Variants in ANXA11 observed in about 807,000 individuals in gnomAD.
The protein encoded by ANXA11 is 56 kDa autoantigen.
In ANXA11, 57 loss-of-function variants were observed where a neutral mutation model predicts 64.7. The observed-to-expected ratio is 0.88, with a 90% CI of 0.71 to 1.10. ANXA11 has a LOEUF of 1.10. ANXA11 is among the 50% of genes least tolerant of loss of function. ANXA11 has a pLI of 0.00. For missense variants in ANXA11, 675 were observed against 670.7 expected, an observed-to-expected ratio of 1.01 and a Z score of -0.07; for synonymous variants, 260 against 265.2, an observed-to-expected ratio of 0.98 and a Z score of 0.19.
At chr10:80,194,999 C>CCTTATG (rs1459478510) in intron 1 of ANXA11, among the ~76,000 whole-genome samples, 2 of 152,160 alleles carry the variant, frequency 1.3e-5, no homozygotes, top group East Asian at 3.9e-4. Flanking sequence ...CATCTCATCT[C>CCTTATG]CTTATGAATG....
intron 1 of ANXA11, among the ~76,000 whole-genome samples, chr10:80,176,710 C>A (rs544869425): frequency 1.1e-3 from 171 of 152,238 alleles, no homozygotes; most frequent in Admixed American, 2.4e-3. Flanking sequence ...CCTGGAGGGC[C>A]TGCAGGCCAG....
At chr10:80,185,321 C>T (rs200903527) in intron 1 of ANXA11, among the ~76,000 whole-genome samples, 3 of 152,286 alleles carry the variant, frequency 2.0e-5, no homozygotes, top group Admixed American at 6.5e-5. Flanking sequence ...CAGTGCTGCC[C>T]GGAATGTGTT....
At chr10:80,159,657 C>T (rs1264419837) in intron 12 of ANXA11, among the ~76,000 whole-genome samples, 4 of 152,238 alleles carry the variant, frequency 2.6e-5, no homozygotes, top group Non-Finnish European at 4.4e-5. Flanking sequence ...CTCCCACACC[C>T]TGCACGTCCC....
chr10:80,163,723 G>A, intron 9 of ANXA11, 110 bp from the exon 10 acceptor site: 2 of 1,042,468 alleles, frequency 1.9e-6, no homozygotes, highest in Non-Finnish European at 2.9e-6. Context: ...GGAGGTCTTG[G>A]CTCGGGCTCA....
intron 1 of ANXA11, 143 bp downstream of exon 1, chr10:80,205,200 A>G (rs963783893): frequency 9.1e-6 from 1 of 110,200 alleles, no homozygotes; most frequent in Admixed American, 8.3e-5. Context: ...CCTGCCCCCC[A>G]CCCCCACGCC....
At chr10:80,164,924 C>T (rs117301387) in intron 8 of ANXA11, among the ~76,000 whole-genome samples, 3 of 152,336 alleles carry the variant, frequency 2.0e-5, no homozygotes, top group East Asian at 1.9e-4. Flanking sequence ...GGTTACTACA[C>T]GTTAGCCCCT....
intron 15 of ANXA11, chr10:80,156,626 G>C: frequency 2.9e-6 from 1 of 350,138 alleles, no homozygotes; most frequent in Non-Finnish European, 5.7e-6. Flanking sequence ...CAATTCTCCT[G>C]CCGCAGCCTA....
rs993260143 is a variant in ANXA11, at chr10:80,176,088, A to G, written c.-9+19T>C. 2 of 152,230 alleles carry G rather than the reference A, an allele frequency of 1.3e-5. No homozygotes were observed. Among genetic ancestry groups the G allele is most frequent in the African/African-American group, 4.8e-5 (2 of 41,456 alleles). 9.4% of individuals were successfully genotyped at this position (152,230 alleles called of 1,614,324 possible). A position where few individuals can be genotyped will look rare whatever the true frequency, so the allele number is the denominator to read the frequency against. On this transcript the variant is annotated intron_variant, in intron 2 of 15. Coordinates refer to ENST00000422982, the MANE Select transcript of ANXA11 (RefSeq NM_145868.2). Reference sequence around the variant, plus strand: ...TAAATAAATAAAATACAAAGATATCAAAACTTAAAATGACATACCTTTGAC... The same window carrying G: ...TAAATAAATAAAATACAAAGATATCGAAACTTAAAATGACATACCTTTGAC...
At chr10:80,183,476 T>C (rs779586663) in intron 1 of ANXA11, among the ~76,000 whole-genome samples, 3 of 152,252 alleles carry the variant, frequency 2.0e-5, no homozygotes, top group Non-Finnish European at 2.9e-5. Context: ...AATGTCCACA[T>C]TGGAAGGGAT....
intron 11 of ANXA11, 89 bp downstream of exon 11, chr10:80,163,260 T>C: frequency 1.4e-6 from 2 of 1,474,780 alleles, no homozygotes; most frequent in African/African-American, 1.4e-5. Context: ...TCTATTGTTC[T>C]TTCCACCCTA....
intron 9 of ANXA11, 114 bp from the exon 10 acceptor site, chr10:80,163,727 G>A (rs988177353): frequency 4.6e-5 from 45 of 984,416 alleles, no homozygotes; most frequent in Middle Eastern, 3.1e-4. Flanking sequence ...GTCTTGGCTC[G>A]GGCTCAAGAG....
In ANXA11 at chr10:80,155,908, T is replaced by C. The variant is rs867251586; in HGVS notation, c.1463A>G (p.Asp488Gly). 6.2e-7 allele frequency: 1 copy of C among 1,614,066 alleles called. No individual in the cohort carries two copies. Among genetic ancestry groups the C allele is most frequent in the Middle Eastern group, 1.7e-4 (1 of 6,060 alleles). The stretch of plus-strand genomic sequence containing the variant: ...AATCTTCCGGTAATCCCCTGAAGTA[T>C]CTCCCTGGCCACAGAAACAAGGAAG... ...GKSLYHDISG[D>G]TSGDYRKILL... The change falls in exon 16 of 16, where the codon GAT becomes GGT. Residue 488 changes from aspartate to glycine, a missense_variant. By Grantham distance (94) the Asp-to-Gly change is moderately conservative (BLOSUM62 -1). Transcript: ENST00000422982.
intron 1 of ANXA11, among the ~76,000 whole-genome samples, chr10:80,185,951 T>C (rs1310732667): frequency 1.3e-5 from 2 of 152,216 alleles, no homozygotes; most frequent in African/African-American, 4.8e-5. Flanking sequence ...GGTTTCACTG[T>C]ATGAAACTTC....
At chr10:80,178,148 G>C (rs1846234773) in intron 1 of ANXA11, among the ~76,000 whole-genome samples, 1 of 151,932 alleles carries the variant, frequency 6.6e-6, no homozygotes, top group Admixed American at 6.6e-5. Context: ...CCCCTCCCTA[G>C]CCTGTCCAGC....
intron 1 of ANXA11, among the ~76,000 whole-genome samples, chr10:80,184,632 C>T (rs1846474805): frequency 6.6e-6 from 1 of 152,104 alleles, no homozygotes; most frequent in Admixed American, 6.6e-5. Context: ...ACAGCTGGGA[C>T]TCTAAGTTGA....
In ANXA11 at chr10:80,155,823, G is replaced by C. The variant is rs762214872; in HGVS notation, c.*30C>G. 2.5e-5 allele frequency: 40 copies of C among 1,608,886 alleles called. No individual in the cohort carries two copies. Among genetic ancestry groups the C allele is most frequent in the African/African-American group, 6.7e-5 (5 of 74,910 alleles). On this transcript the variant is annotated 3_prime_UTR_variant, in exon 16 of 16. Transcript: ENST00000422982. ...TTTCCTGGCACTGGTGTTGCCGGCAGGTGGGCAGAAGTGAGCCACCAGTCA... is the reference window on the plus strand; with the variant it reads ...TTTCCTGGCACTGGTGTTGCCGGCACGTGGGCAGAAGTGAGCCACCAGTCA...
intron 2 of ANXA11, among the ~76,000 whole-genome samples, chr10:80,174,218 TGA>T (rs990418687): frequency 2.2e-4 from 33 of 152,246 alleles, no homozygotes; most frequent in African/African-American, 7.9e-4. Flanking sequence ...TTTTTTTTTT[TGA>T]GAGTCTTACT....
Position 80,154,749 on chromosome 10 carries a change from G to A in ANXA11, c.*1104C>T, listed in dbSNP as rs533954820. The A allele has an allele frequency of 6.6e-6, 1 of 152,280 alleles. No homozygotes were observed. The highest frequency in any genetic ancestry group is 6.5e-5 in the Admixed American group (1 of 15,280). 9.4% of individuals were successfully genotyped at this position (152,280 alleles called of 1,614,324 possible). Reference sequence around the variant, plus strand: ...TGGAGGCACCCTGAGGGGAGGCACTGGTCTTGTGACTCTCTGGGTTGTCCC... The same window carrying A: ...TGGAGGCACCCTGAGGGGAGGCACTAGTCTTGTGACTCTCTGGGTTGTCCC... On this transcript the variant is annotated 3_prime_UTR_variant, in exon 16 of 16. Transcript: ENST00000422982.
At chr10:80,164,244 A>G (rs1845638280) in intron 8 of ANXA11, 101 bp from the exon 9 acceptor site, 4 of 873,112 alleles carry the variant, frequency 4.6e-6, no homozygotes, top group Non-Finnish European at 5.5e-6. Context: ...TAATCCCAGC[A>G]ACAGAGGCCC....
Sources: gnomAD v4.1 joint callset for allele counts (sites outside exome capture counted in the v4.1 genomes callset) on GRCh38, gnomAD v4.1.1 for gene constraint, MANE v1.5 for transcripts, NCBI Gene and HGNC (gene_info 2026-07-23, HGNC 2026-07-21) for gene names.